AUTS2: variants seen among roughly 807,000 people sequenced by gnomAD.
AUTS2 encodes autism susceptibility gene 2 protein.
In AUTS2, 17 loss-of-function variants were observed where a neutral mutation model predicts 112.4. The observed-to-expected ratio is 0.15, with a 90% CI of 0.10 to 0.23. The LOEUF is 0.23. Among genes scored for constraint, AUTS2 ranks in the 10% least tolerant of loss-of-function variants. The pLI is 1.00. For missense variants in AUTS2, 1,510 were observed against 1,701.6 expected, an observed-to-expected ratio of 0.89 and a Z score of 1.98; for synonymous variants, 751 against 702.7, an observed-to-expected ratio of 1.07 and a Z score of -1.09.
At chr7:70,219,390 G>A (rs1229884781) in intron 4 of AUTS2, among the ~76,000 whole-genome samples, 1 of 151,970 alleles carries the variant, frequency 6.6e-6, no homozygotes, top group Non-Finnish European at 1.5e-5. Context: ...TCCAATAAAA[G>A]CAAGATATAT....
chr7:70,602,458 A>T (rs536285971), intron 5 of AUTS2, among the ~76,000 whole-genome samples: 1 of 152,306 alleles, frequency 6.6e-6, no homozygotes, highest in African/African-American at 2.4e-5. Flanking sequence ...TTAGTCTATA[A>T]GTGGATCCTC....
intron 2 of AUTS2, among the ~76,000 whole-genome samples, chr7:69,917,393 T>C (rs1795625992): frequency 1.4e-5 from 2 of 146,682 alleles, no homozygotes; most frequent in African/African-American, 5.5e-5. Context: ...AATCTGAATT[T>C]TTTTTTTCCT....
At chr7:70,493,516 G>A (rs1346352689) in intron 5 of AUTS2, among the ~76,000 whole-genome samples, 1 of 152,020 alleles carries the variant, frequency 6.6e-6, no homozygotes, top group Non-Finnish European at 1.5e-5. Flanking sequence ...CCAAGTCTTG[G>A]AATTTCTTTA....
At chr7:70,238,820 C>G (rs1562811727) in intron 4 of AUTS2, among the ~76,000 whole-genome samples, 1 of 152,050 alleles carries the variant, frequency 6.6e-6, no homozygotes, top group Non-Finnish European at 1.5e-5. Flanking sequence ...GTGCACTCAT[C>G]ATCAGAGAGA....
At position 70,222,780 on chromosome 7, in the gene AUTS2, T is replaced by A. The variant is rs76660675; in HGVS notation, c.660+88209T>A. Among the ~76,000 whole-genome samples the A allele has an allele frequency of 2.9e-3, 441 of 152,278 alleles. 5 individuals carry two copies. Among genetic ancestry groups the A allele is most frequent in the African/African-American group, 0.01 (427 of 41,570 alleles). ...ACAGTAAGAGGAGAACTGGCTTTTA[T>A]TGCTCACAATAGGAATGTTCCCATC... On this transcript the variant is annotated intron_variant, in intron 4 of 18. Transcript: ENST00000342771.
chr7:69,895,778 G>A (rs1043414959), intron 1 of AUTS2, among the ~76,000 whole-genome samples: 2 of 152,166 alleles, frequency 1.3e-5, no homozygotes, highest in African/African-American at 4.8e-5. Flanking sequence ...CATTTGTATG[G>A]AATTACACAT....
At chr7:69,944,386 C>T (rs1796733043) in intron 2 of AUTS2, among the ~76,000 whole-genome samples, 1 of 152,152 alleles carries the variant, frequency 6.6e-6, no homozygotes, top group African/African-American at 2.4e-5. Context: ...CTGGAGTAGA[C>T]TCAGGGTCTC....
intron 1 of AUTS2, among the ~76,000 whole-genome samples, chr7:69,865,928 C>T (rs1161459206): frequency 6.6e-6 from 1 of 152,142 alleles, no homozygotes; most frequent in Non-Finnish European, 1.5e-5. Context: ...TATAATGGTG[C>T]TTACGTTTTC....
At chr7:70,506,410 G>C (rs1798963192) in intron 5 of AUTS2, among the ~76,000 whole-genome samples, 1 of 152,184 alleles carries the variant, frequency 6.6e-6, no homozygotes, top group South Asian at 2.1e-4. Flanking sequence ...AAAATAAACA[G>C]ATGGAACATG....
chr7:69,976,388 G>T (rs1458736666), intron 2 of AUTS2, among the ~76,000 whole-genome samples: 1 of 152,158 alleles, frequency 6.6e-6, no homozygotes, highest in Non-Finnish European at 1.5e-5. Flanking sequence ...CATACTGTTT[G>T]TCCATTCATC....
At chr7:69,907,053 G>A (rs1795175290) in intron 2 of AUTS2, among the ~76,000 whole-genome samples, 1 of 152,160 alleles carries the variant, frequency 6.6e-6, no homozygotes, top group Non-Finnish European at 1.5e-5. Flanking sequence ...GCTGCAGTGA[G>A]CCATGTTCAC....
chr7:70,518,258 G>C (rs1434574418), intron 5 of AUTS2, among the ~76,000 whole-genome samples: 7 of 152,098 alleles, frequency 4.6e-5, no homozygotes, highest in Admixed American at 3.9e-4. Flanking sequence ...AGCTTTTGTG[G>C]GGCAATCAGG....
chr7:69,845,869 C>G (rs888073811), intron 1 of AUTS2, among the ~76,000 whole-genome samples: 1 of 152,168 alleles, frequency 6.6e-6, no homozygotes, highest in African/African-American at 2.4e-5. Flanking sequence ...TCCTGGGATG[C>G]AGGTGCCTGG....
At position 69,985,935 on chromosome 7, in the gene AUTS2, G is replaced by GT. The variant is rs932193461; in HGVS notation, c.522+86445dup. 1.1e-4 allele frequency among the ~76,000 whole-genome samples: 17 copies of GT among 151,798 alleles called. No individual in the cohort carries two copies. In the East Asian group the frequency reaches 2.7e-3, roughly 24 times the overall value. On this transcript the variant is annotated intron_variant, in intron 2 of 18. Coordinates refer to ENST00000342771, the MANE Select transcript of AUTS2 (RefSeq NM_015570.4). ...CATGCTTAGCTAATTCTTAAAAAAA[G>GT]TTTTTTTTGTAGAGTCAGGGTCTTA...
At chr7:69,646,929 A>AG (rs1209199982) in intron 1 of AUTS2, among the ~76,000 whole-genome samples, 2 of 152,218 alleles carry the variant, frequency 1.3e-5, no homozygotes, top group Non-Finnish European at 2.9e-5. Context: ...TACTAAAAAA[A>AG]TACAAAAAAT....
At chr7:70,154,974 T>G (rs1807663717) in intron 4 of AUTS2, among the ~76,000 whole-genome samples, 1 of 152,146 alleles carries the variant, frequency 6.6e-6, no homozygotes, top group Non-Finnish European at 1.5e-5. Flanking sequence ...GGGACCTGCT[T>G]TACAGGTTTG....
intron 5 of AUTS2, among the ~76,000 whole-genome samples, chr7:70,444,105 G>C (rs775663268): frequency 1.3e-5 from 2 of 152,130 alleles, no homozygotes; most frequent in African/African-American, 4.8e-5. Flanking sequence ...GAGGCTGGGG[G>C]AGGTGATGGC....
At chr7:70,359,183 A>G (rs1413875654) in intron 4 of AUTS2, among the ~76,000 whole-genome samples, 1 of 152,238 alleles carries the variant, frequency 6.6e-6, no homozygotes, top group Non-Finnish European at 1.5e-5. Context: ...AAAGCATTAT[A>G]TTGACATAGT....
chr7:70,426,757 G>A (rs1795454827), intron 4 of AUTS2, among the ~76,000 whole-genome samples: 1 of 152,204 alleles, frequency 6.6e-6, no homozygotes, highest in African/African-American at 2.4e-5. Flanking sequence ...GCAAGGGCAA[G>A]TCATTTTAGC....
Sources: allele counts gnomAD v4.1 joint callset (sites outside exome capture counted in the v4.1 genomes callset), GRCh38; gene constraint gnomAD v4.1.1; transcripts MANE v1.5; gene names NCBI Gene and HGNC (gene_info 2026-07-23, HGNC 2026-07-21).